Variants in DEPDC1B observed in about 807,000 individuals in gnomAD.
DEPDC1B encodes DEP domain containing 1B.
Under a neutral mutation model 66.5 loss-of-function variants are expected in DEPDC1B, and 51 were observed. The ratio of observed to expected loss-of-function variants is 0.77; its 90% CI spans 0.61 to 0.97. DEPDC1B has a LOEUF of 0.97. DEPDC1B is among the 50% of genes least tolerant of loss of function. The pLI, the probability that DEPDC1B is intolerant of heterozygous loss-of-function variation, is 0.00. For missense variants in DEPDC1B, 552 were observed against 637.1 expected (o/e 0.87, Z 1.44); for synonymous variants, 226 against 223.6 (o/e 1.01, Z -0.10).
chr5:60,654,901 A>T (rs1753542311), intron 2 of DEPDC1B, among the ~76,000 whole-genome samples: 1 of 148,642 alleles, frequency 6.7e-6, no homozygotes, highest in Non-Finnish European at 1.5e-5. Context: ...TTTTGTTTTT[A>T]GTTCTGTTTA....
At chr5:60,693,209 C>T (rs1450287352) in intron 1 of DEPDC1B, among the ~76,000 whole-genome samples, 1 of 152,076 alleles carries the variant, frequency 6.6e-6, no homozygotes, top group African/African-American at 2.4e-5. Flanking sequence ...TGTTCACATA[C>T]TAAAATTATT....
intron 7 of DEPDC1B, among the ~76,000 whole-genome samples, chr5:60,612,528 C>CAAAAAAAA (rs35196065): frequency 4.4e-5 from 4 of 90,236 alleles, no homozygotes; most frequent in Non-Finnish European, 6.2e-5. Context: ...GAGATCTGCT[C>CAAAAAAAA]AAAAAAAAAA....
intron 6 of DEPDC1B, 136 bp from the exon 7 acceptor site, chr5:60,639,026 G>A (rs1753126285): frequency 2.2e-6 from 2 of 909,680 alleles, no homozygotes; most frequent in Admixed American, 3.4e-5. Flanking sequence ...GGGGAAAATT[G>A]ACATTAATTA....
chr5:60,686,989 T>C lies in DEPDC1B; in HGVS notation c.287A>G (p.Asp96Gly). The change falls in exon 2 of 11, where the codon GAT (aspartate) becomes GGT (glycine). Residue 96 changes from aspartate to glycine, a missense_variant. Coordinates refer to ENST00000265036, the MANE Select transcript of DEPDC1B (RefSeq NM_018369.3). ...GTATAAGTGACGATTGTCTTCAAAA[T>C]CTTCCTCACCCCATTTTCCCTTGAT... ...EDIKGKWGEE[D>G]FEDNRHLYRF... 6.2e-7 allele frequency: 1 copy of C among 1,614,236 alleles called. No individual in the cohort carries two copies. Among genetic ancestry groups the C allele is most frequent in the Non-Finnish European group, 8.5e-7 (1 of 1,180,042 alleles).
intron 2 of DEPDC1B, among the ~76,000 whole-genome samples, chr5:60,664,702 T>C (rs1336837384): frequency 6.6e-6 from 1 of 152,162 alleles, no homozygotes; most frequent in Non-Finnish European, 1.5e-5. Context: ...TCAGTGACAA[T>C]GGAATACTTG....
At position 60,619,951 on chromosome 5, in the gene DEPDC1B, A is replaced by T. The variant is rs529616580; in HGVS notation, c.899-14095T>A. ...TGGTACCAAAACAGAGATATAGACC[A>T]ATGGAACAGAACAGAGCCCTCAGAA... On this transcript the variant is annotated intron_variant, in intron 7 of 10. Transcript: ENST00000265036. Among the ~76,000 whole-genome samples the T allele has an allele frequency of 2.0e-5, 3 of 152,300 alleles. No homozygotes were observed. In the East Asian group the frequency reaches 5.8e-4, roughly 29 times the overall value.
chr5:60,665,452 A>T (rs182631058), intron 2 of DEPDC1B, among the ~76,000 whole-genome samples: 4 of 152,176 alleles, frequency 2.6e-5, no homozygotes, highest in African/African-American at 9.7e-5. Flanking sequence ...TTCCAAAATC[A>T]AAGCTGTAAA....
chr5:60,677,239 G>C (rs1157680086), intron 2 of DEPDC1B, among the ~76,000 whole-genome samples: 2 of 146,324 alleles, frequency 1.4e-5, no homozygotes, highest in Non-Finnish European at 3.0e-5. Flanking sequence ...GGTTATTTTA[G>C]GTAATTAATT....
intron 2 of DEPDC1B, among the ~76,000 whole-genome samples, chr5:60,660,266 CAGAG>C (rs942786812): frequency 3.3e-5 from 4 of 121,652 alleles, no homozygotes; most frequent in African/African-American, 1.3e-4. Flanking sequence ...AGGAGAGAGA[CAGAG>C]AGAGAGACAG....
At chr5:60,677,326 ACTCTCT>A (rs70975391) in intron 2 of DEPDC1B, among the ~76,000 whole-genome samples, 8,801 of 108,350 alleles carry the variant, frequency 0.081, 358 homozygotes, top group Middle Eastern at 0.12. Flanking sequence ...ACACACACAC[ACTCTCT>A]CTCTCTCTCT....
intron 7 of DEPDC1B, among the ~76,000 whole-genome samples, chr5:60,633,376 T>C (rs1406325348): frequency 6.6e-6 from 1 of 152,228 alleles, no homozygotes; most frequent in East Asian, 1.9e-4. Context: ...ACTCTCTCTC[T>C]ACTCCATGTA....
intron 1 of DEPDC1B, among the ~76,000 whole-genome samples, chr5:60,690,212 A>G (rs992864434): frequency 7.2e-5 from 11 of 152,064 alleles, no homozygotes; most frequent in Non-Finnish European, 1.6e-4. Context: ...AAAAATTAGA[A>G]CTAATTTGCC....
intron 6 of DEPDC1B, among the ~76,000 whole-genome samples, chr5:60,640,620 C>A (rs765810256): frequency 9.2e-5 from 14 of 152,114 alleles, no homozygotes; most frequent in Non-Finnish European, 1.5e-4. Context: ...CTTGGTTTTG[C>A]ATTTATGTAG....
intron 2 of DEPDC1B, among the ~76,000 whole-genome samples, chr5:60,683,363 T>C (rs1171459808): frequency 6.6e-6 from 1 of 152,106 alleles, no homozygotes; most frequent in East Asian, 1.9e-4. Flanking sequence ...GCCTGGGAGG[T>C]TGAGGCTGCA....
chr5:60,660,026 G>C (rs948900274), intron 2 of DEPDC1B, among the ~76,000 whole-genome samples: 1 of 152,138 alleles, frequency 6.6e-6, no homozygotes, highest in Non-Finnish European at 1.5e-5. Flanking sequence ...CAACATAATA[G>C]ATCAGGATGA....
intron 7 of DEPDC1B, among the ~76,000 whole-genome samples, chr5:60,615,979 T>C (rs1752543990): frequency 6.6e-6 from 1 of 152,204 alleles, no homozygotes; most frequent in South Asian, 2.1e-4. Context: ...ACATTTGCTG[T>C]TCACCAATAT....
intron 5 of DEPDC1B, among the ~76,000 whole-genome samples, chr5:60,643,314 C>T (rs1753233564): frequency 6.6e-6 from 1 of 152,178 alleles, no homozygotes; most frequent in Admixed American, 6.5e-5. Flanking sequence ...TACATGTTTC[C>T]ATTTTCAAAA....
At chr5:60,659,069 C>G (rs183653424) in intron 2 of DEPDC1B, among the ~76,000 whole-genome samples, 5 of 152,316 alleles carry the variant, frequency 3.3e-5, no homozygotes, top group Non-Finnish European at 7.3e-5. Flanking sequence ...TTGCTTGGTT[C>G]CACAGTTCTC....
In DEPDC1B at chr5:60,597,855, T is replaced by C; in HGVS notation, c.1488A>G (p.Ala496=). The C allele has an allele frequency of 6.2e-7, 1 of 1,613,322 alleles. No individual in the cohort carries two copies. The highest frequency in any genetic ancestry group is 8.5e-7 in the Non-Finnish European group (1 of 1,179,600). ...GTTTGGGTTTTTCAGGAAACAGAAG[T>C]GCTGCACTTTCTGGTGTAGGAAATC... The part of the protein sequence containing the change: ...QERFPTPESA[A]LLFPEKPKPK... The change falls in exon 11 of 11, where the codon GCA becomes GCG. Residue 496 remains alanine, a synonymous_variant. Transcript: ENST00000265036.
Sources: gnomAD v4.1 joint callset for allele counts (sites outside exome capture counted in the v4.1 genomes callset) on GRCh38, gnomAD v4.1.1 for gene constraint, MANE v1.5 for transcripts, NCBI Gene and HGNC (gene_info 2026-07-23, HGNC 2026-07-21) for gene names.